The following KRT40 variants were observed in gnomAD, a reference collection of about 807,000 sequenced individuals.
KRT40 encodes keratin, type I cytoskeletal 40.
A neutral mutation model predicts 43.5 loss-of-function variants in KRT40; 47 were observed. The observed-to-expected ratio is 1.08, with a 90% CI of 0.86 to 1.38. The LOEUF is 1.38. KRT40 is among the 40% of genes most tolerant of loss of function. The probability of loss-of-function intolerance (pLI) is 0.00; values close to 1 mark genes in which losing one functional copy is unlikely to be tolerated. For synonymous variants in KRT40, 212 were observed against 214.0 expected, an observed-to-expected ratio of 0.99 and a Z score of 0.08; for missense variants, 573 against 523.6, an observed-to-expected ratio of 1.09 and a Z score of -0.92.
In KRT40 at chr17:40,982,678, ATT is replaced by A. The variant is rs372065463; in HGVS notation, c.531-217_531-216del. Among the ~76,000 whole-genome samples the A allele has an allele frequency of 1.7e-3, 224 of 130,984 alleles. 1 individual carries two copies. The highest frequency in any genetic ancestry group is 7.8e-3 in the African/African-American group (216 of 27,800). 85.9% of individuals were successfully genotyped at this position (130,984 alleles called of 152,430 possible). A position where few individuals can be genotyped will look rare whatever the true frequency, so the allele number is the denominator to read the frequency against. On this transcript the variant is annotated intron_variant, in intron 2 of 6. Transcript: ENST00000377755. Reference sequence around the variant, plus strand: ...GTGTGTGTGTGTGTGAGAGAGAGAGATTGAGAGAGAGAGAGCCATAAGTTATT... The same window carrying A: ...GTGTGTGTGTGTGTGAGAGAGAGAGAGAGAGAGAGAGAGCCATAAGTTATT...
chr17:40,984,279 C>T lies in KRT40; in HGVS notation c.-6G>A. The T allele has an allele frequency of 6.3e-7, 1 of 1,595,846 alleles. No homozygotes were observed. On this transcript the variant is annotated 5_prime_UTR_variant, in exon 1 of 7. Coordinates refer to ENST00000377755, the MANE Select transcript of KRT40 (RefSeq NM_001389244.1). Reference sequence around the variant, plus strand: ...GAGGAGCAGTCAGAAGTCATCCTTCCAGAAGCAAAGACAGAGACTGGCTGC... The same window carrying T: ...GAGGAGCAGTCAGAAGTCATCCTTCTAGAAGCAAAGACAGAGACTGGCTGC...
chr17:40,982,612 A>G (rs559037353), intron 2 of KRT40, 149 bp from the exon 3 acceptor site: 2 of 522,448 alleles, frequency 3.8e-6, no homozygotes, highest in South Asian at 1.0e-4. Flanking sequence ...AGCTTTTAAA[A>G]CATTCTTAAC....
intron 1 of KRT40, 86 bp from the exon 2 acceptor site, chr17:40,983,214 T>G (rs1464169241): frequency 1.6e-6 from 1 of 608,446 alleles, no homozygotes; most frequent in Non-Finnish European, 2.9e-6. Context: ...ATTAGCTATC[T>G]TTTGAAAGTC....
In KRT40 at chr17:40,981,003, C is replaced by G; in HGVS notation, c.836G>C (p.Trp279Ser). 6.2e-7 allele frequency: 1 copy of G among 1,614,226 alleles called. No homozygotes were observed. Among genetic ancestry groups the G allele is most frequent in the Non-Finnish European group, 8.5e-7 (1 of 1,180,052 alleles). ...CTGGGTACTGACCTGAACAGCCAAC[C>G]ATTCTTCAGCTTCTCTGCGATTGTT... Reference protein sequence around the residue: ...LANNRREAEEWLAVQTEELNQ... With the variant: ...LANNRREAEESLAVQTEELNQ... The change falls in exon 4 of 7, where the codon TGG becomes TCG. Residue 279 changes from tryptophan (W) to serine (S), a missense_variant. Transcript: ENST00000377755.
intron 3 of KRT40, 125 bp from the exon 4 acceptor site, chr17:40,981,276 C>T: frequency 3.2e-6 from 5 of 1,548,576 alleles, no homozygotes; most frequent in East Asian, 2.3e-5. Context: ...ATTCAGATTG[C>T]CTGGGCTGAA....
rs780534550 is a variant in KRT40 at position 40,984,169 on chromosome 17, G to A, written c.105C>T (p.Pro35=). ...GACATCGGGATGTAGCACAGGTACCGGGGAGACAAGCTGTTTCCACGGAGC... is the reference window on the plus strand; with the variant it reads ...GACATCGGGATGTAGCACAGGTACCAGGGAGACAAGCTGTTTCCACGGAGC... The part of the protein sequence containing the change: ...SSCSVETACL[P]GTCATSRCQT... Residue 35 remains proline, a synonymous_variant, in exon 1 of 7, where the codon CCC becomes CCT. Transcript: ENST00000377755. 14 of 1,613,910 alleles carry A rather than the reference G, an allele frequency of 8.7e-6. No homozygotes were observed. Among genetic ancestry groups the A allele is most frequent in the Non-Finnish European group, 1.2e-5 (14 of 1,179,994 alleles).
rs9911953 is a variant in KRT40 at position 40,977,950 on chromosome 17, C to T, written c.*247G>A. On this transcript the variant is annotated 3_prime_UTR_variant, in exon 7 of 7. Coordinates refer to ENST00000377755, the MANE Select transcript of KRT40 (RefSeq NM_001389244.1). Reference sequence around the variant, plus strand: ...ATCAGCCATAGAGCTATATTTACCACGCTAAAGGAATAAAACACGTTTTAT... The same window carrying T: ...ATCAGCCATAGAGCTATATTTACCATGCTAAAGGAATAAAACACGTTTTAT... The T allele has an allele frequency of 0.31, 130,240 of 420,522 alleles. 24,431 individuals carry two copies. The highest frequency in any genetic ancestry group is 0.66 in the African/African-American group (33,350 of 50,658). The allele number at this position is 420,522 out of a possible 1,614,324, so 26.0% of individuals were successfully genotyped here. A position where few individuals can be genotyped will look rare whatever the true frequency, so the allele number is the denominator to read the frequency against.
chr17:40,982,713 T>C (rs113738089), intron 2 of KRT40, among the ~76,000 whole-genome samples: 8 of 152,000 alleles, frequency 5.3e-5, no homozygotes, highest in African/African-American at 1.9e-4. Context: ...ATTTTCAAAT[T>C]AAAATTAAAG....
intron 6 of KRT40, 61 bp from the exon 7 acceptor site, chr17:40,978,357 A>T (rs1911908873): frequency 7.5e-7 from 1 of 1,339,896 alleles, no homozygotes; most frequent in African/African-American, 1.4e-5. Flanking sequence ...ATGGCAACTC[A>T]GAAAAACCGT....
intron 1 of KRT40, 85 bp downstream of exon 1, chr17:40,983,742 C>T: frequency 7.3e-7 from 1 of 1,360,898 alleles, no homozygotes; most frequent in South Asian, 1.3e-5. Flanking sequence ...CCTTGGTTTC[C>T]TTCTGTAAAA....
rs550963975 is a variant in KRT40, at chr17:40,981,380, G to C, written c.688-229C>G. The C allele has an allele frequency of 1.9e-5, 15 of 782,238 alleles. No individual in the cohort carries two copies. The South Asian group carries it at 2.2e-4, about 12-fold the overall frequency. 48.5% of individuals were successfully genotyped at this position (782,238 alleles called of 1,614,324 possible). A position where few individuals can be genotyped will look rare whatever the true frequency, so the allele number is the denominator to read the frequency against. On this transcript the variant is annotated intron_variant, in intron 3 of 6. Coordinates refer to ENST00000377755, the MANE Select transcript of KRT40 (RefSeq NM_001389244.1). ...TTCCAGAAAGTTATTGTGAGATCTA[G>C]AAGAGTCAATCTACACATAATTAAC...
At chr17:40,979,971 A>T (rs892948393) in intron 5 of KRT40, among the ~76,000 whole-genome samples, 3 of 152,218 alleles carry the variant, frequency 2.0e-5, no homozygotes, top group Admixed American at 2.0e-4. Context: ...CTTGATCATT[A>T]CACATTCTAT....
Position 40,980,708 on chromosome 17 carries a change from C to T in KRT40, c.975+77G>A, listed in dbSNP as rs560588232. ...GGGAAAGGCAAGGAAATGTGATCCT[C>T]GGATATGGAAGAGGGCTTAACATCT... On this transcript the variant is annotated intron_variant, in intron 5 of 6. Coordinates refer to ENST00000377755, the MANE Select transcript of KRT40 (RefSeq NM_001389244.1). The T allele has an allele frequency of 2.4e-5, 36 of 1,492,186 alleles. 1 individual carries two copies. Among genetic ancestry groups the T allele is most frequent in the Admixed American group, 6.9e-5 (3 of 43,584 alleles). 92.4% of individuals were successfully genotyped at this position (1,492,186 alleles called of 1,614,324 possible). A position where few individuals can be genotyped will look rare whatever the true frequency, so the allele number is the denominator to read the frequency against.
At chr17:40,980,527 C>T (rs931031479) in intron 5 of KRT40, among the ~76,000 whole-genome samples, 5 of 152,136 alleles carry the variant, frequency 3.3e-5, no homozygotes, top group African/African-American at 1.2e-4. Flanking sequence ...GACCATGGCC[C>T]GGAGGTTTCT....
upstream of KRT40, among the ~76,000 whole-genome samples, chr17:40,986,770 G>C (rs1211166615): frequency 1.3e-5 from 2 of 151,114 alleles, no homozygotes; most frequent in Admixed American, 1.3e-4. Context: ...AGTTTATTTT[G>C]CATAATACTA....
chr17:40,979,687 G>T (rs1406627673), intron 5 of KRT40, among the ~76,000 whole-genome samples: 1 of 152,160 alleles, frequency 6.6e-6, no homozygotes, highest in African/African-American at 2.4e-5. Flanking sequence ...TTGGCAGGGA[G>T]GGGTAGTATA....
In KRT40 at chr17:40,978,966, G is replaced by A. The variant is rs1358947098; in HGVS notation, c.1034C>T (p.Ala345Val). Residue 345 changes from alanine (A) to valine (V), a missense_variant, in exon 6 of 7, where the codon GCC (alanine) becomes GTC (valine). By Grantham distance (64) the Ala-to-Val change is moderately conservative (BLOSUM62 0). Coordinates refer to ENST00000377755, the MANE Select transcript of KRT40 (RefSeq NM_001389244.1). ...GTTATCGATCAGACACTGAATTTGGGCCAGCTGGGAGCTGTACTGGGCCTC... is the reference window on the plus strand; with the variant it reads ...GTTATCGATCAGACACTGAATTTGGACCAGCTGGGAGCTGTACTGGGCCTC... ...ETEAQYSSQL[A>V]QIQCLIDNLE... The A allele has an allele frequency of 1.2e-6, 2 of 1,613,988 alleles. No homozygotes were observed. Among genetic ancestry groups the A allele is most frequent in the Non-Finnish European group, 8.5e-7 (1 of 1,180,016 alleles).
rs1912359450 is a variant in KRT40 at position 40,984,310 on chromosome 17, T to C, written c.-37A>G. ...CAAAGACAGAGACTGGCTGCAAAAC[T>C]TCAGTTGCCTTGACTCCAAAACTCT... On this transcript the variant is annotated 5_prime_UTR_variant, in exon 1 of 7. Coordinates refer to ENST00000377755, the MANE Select transcript of KRT40 (RefSeq NM_001389244.1). 2 of 1,510,326 alleles carry C rather than the reference T, an allele frequency of 1.3e-6. No individual in the cohort carries two copies. The highest frequency in any genetic ancestry group is 2.4e-5 in the South Asian group (2 of 83,304). 93.6% of individuals were successfully genotyped at this position (1,510,326 alleles called of 1,614,324 possible).
At chr17:40,984,388 G>A (rs1912369276), upstream of KRT40, 2 of 724,664 alleles carry the variant, frequency 2.8e-6, no homozygotes, top group Non-Finnish European at 2.2e-6. Flanking sequence ...AGACTGCACC[G>A]GATGTTTTCT....
Sources: allele counts gnomAD v4.1 joint callset (sites outside exome capture counted in the v4.1 genomes callset), GRCh38; gene constraint gnomAD v4.1.1; transcripts MANE v1.5; gene names NCBI Gene and HGNC (gene_info 2026-07-23, HGNC 2026-07-21).